RNF217: variants seen among roughly 807,000 people sequenced by gnomAD.
The protein encoded by RNF217 is ring finger protein 217.
Under a neutral mutation model 57.8 loss-of-function variants are expected in RNF217, and 31 were observed. The ratio of observed to expected loss-of-function variants is 0.54; its 90% CI spans 0.40 to 0.72. The LOEUF is 0.72. RNF217 is among the 30% of genes least tolerant of loss of function. RNF217 has a pLI of 0.00. For missense variants in RNF217, 696 were observed against 708.3 expected, an observed-to-expected ratio of 0.98 and a Z score of 0.20; for synonymous variants, 313 against 294.0, an observed-to-expected ratio of 1.06 and a Z score of -0.66.
chr6:125,043,294 A>G (rs1408111225), intron 1 of RNF217, among the ~76,000 whole-genome samples: 1 of 151,908 alleles, frequency 6.6e-6, no homozygotes, highest in Non-Finnish European at 1.5e-5. Flanking sequence ...TGTCTCTTTC[A>G]TCTGCTTGAA....
intron 1 of RNF217, among the ~76,000 whole-genome samples, chr6:125,036,174 G>A (rs192204622): frequency 2.3e-4 from 35 of 152,236 alleles, no homozygotes; most frequent in African/African-American, 7.9e-4. Context: ...AGAACATGCA[G>A]TGTTTGGTTT....
intron 3 of RNF217, among the ~76,000 whole-genome samples, chr6:125,063,834 T>C (rs534906622): frequency 6.6e-6 from 1 of 152,186 alleles, no homozygotes; most frequent in Non-Finnish European, 1.5e-5. Context: ...AAAAAGTGAA[T>C]TGTATTTATT....
chr6:124,972,143 C>T, intron 1 of RNF217, among the ~76,000 whole-genome samples: 1 of 152,116 alleles, frequency 6.6e-6, no homozygotes, highest in East Asian at 1.9e-4. Flanking sequence ...TTTGAGATTC[C>T]CTGTTTCCAT....
intron 1 of RNF217, among the ~76,000 whole-genome samples, chr6:124,980,469 T>C (rs1784122443): frequency 6.6e-6 from 1 of 152,220 alleles, no homozygotes; most frequent in African/African-American, 2.4e-5. Context: ...ATTTAGTTCT[T>C]GTTTTTAGTT....
In RNF217 at chr6:125,089,103, T is replaced by C. The variant is rs1405197861; in HGVS notation, c.*6166T>C. ...GGCTTATTTTATTTGTAAATGGAAA[T>C]GTATCAGGAGTGCCTGGAACACTTT... On this transcript the variant is annotated 3_prime_UTR_variant, in exon 6 of 6. Transcript: ENST00000521654. 1 of 152,390 alleles carries C rather than the reference T, an allele frequency of 6.6e-6. No individual in the cohort carries two copies. Among genetic ancestry groups the C allele is most frequent in the East Asian group, 1.9e-4 (1 of 5,190 alleles). The allele number at this position is 152,390 out of a possible 1,614,324, so 9.4% of individuals were successfully genotyped here.
At chr6:125,031,179 G>T (rs1786341768) in intron 1 of RNF217, among the ~76,000 whole-genome samples, 1 of 152,204 alleles carries the variant, frequency 6.6e-6, no homozygotes, top group Non-Finnish European at 1.5e-5. Flanking sequence ...CCTGGGGACT[G>T]TGGGCCCAGC....
chr6:124,989,237 T>A (rs1390210259), intron 1 of RNF217, among the ~76,000 whole-genome samples: 1 of 152,228 alleles, frequency 6.6e-6, no homozygotes, highest in Non-Finnish European at 1.5e-5. Context: ...AATGTTGTCA[T>A]GTATTGTATT....
intron 3 of RNF217, among the ~76,000 whole-genome samples, chr6:125,070,259 T>G (rs1347803965): frequency 6.6e-6 from 1 of 152,194 alleles, no homozygotes; most frequent in Non-Finnish European, 1.5e-5. Flanking sequence ...CATTGATTGT[T>G]GGGTACTTAG....
chr6:125,028,794 A>T (rs1251251295), intron 1 of RNF217, among the ~76,000 whole-genome samples: 1 of 151,798 alleles, frequency 6.6e-6, no homozygotes, highest in East Asian at 1.9e-4. Flanking sequence ...CTTATTATTT[A>T]CTGTGTTAAA....
chr6:125,027,401 T>A (rs1399951836), intron 1 of RNF217, among the ~76,000 whole-genome samples: 1 of 152,220 alleles, frequency 6.6e-6, no homozygotes, highest in Non-Finnish European at 1.5e-5. Context: ...AGTGAGAACA[T>A]GCAATGTTTG....
chr6:125,000,449 C>T (rs1031146005), intron 1 of RNF217, among the ~76,000 whole-genome samples: 1 of 151,826 alleles, frequency 6.6e-6, no homozygotes, highest in African/African-American at 2.4e-5. Flanking sequence ...TTATAGATAT[C>T]AGACAATAGT....
chr6:125,069,646 T>C (rs958681962), intron 3 of RNF217, among the ~76,000 whole-genome samples: 8 of 152,176 alleles, frequency 5.3e-5, no homozygotes, highest in Admixed American at 4.6e-4. Flanking sequence ...AACTATTTTC[T>C]TTTGGGTATA....
Position 125,086,539 on chromosome 6 carries a change from A to G in RNF217, c.*3602A>G, listed in dbSNP as rs1362569649. ...GAAAAGTAGGAAAGAATATGTTGGC[A>G]ATTATAAATGCCCACAGCAATTCCC... On this transcript the variant is annotated 3_prime_UTR_variant, in exon 6 of 6. Coordinates refer to ENST00000521654, the MANE Select transcript of RNF217 (RefSeq NM_001286398.3). 2 of 152,116 alleles carry G rather than the reference A, an allele frequency of 1.3e-5. No individual in the cohort carries two copies. Among genetic ancestry groups the G allele is most frequent in the Non-Finnish European group, 2.9e-5 (2 of 68,008 alleles). The allele number at this position is 152,116 out of a possible 1,614,324, so 9.4% of individuals were successfully genotyped here. A position where few individuals can be genotyped will look rare whatever the true frequency, so the allele number is the denominator to read the frequency against.
At chr6:125,075,801 C>A (rs1425095636) in intron 3 of RNF217, among the ~76,000 whole-genome samples, 2 of 152,110 alleles carry the variant, frequency 1.3e-5, no homozygotes, top group Non-Finnish European at 2.9e-5. Flanking sequence ...TATACAATAT[C>A]TTTCCATGAG....
At chr6:125,082,841 C>T in intron 5 of RNF217, 23 bp from the exon 6 acceptor site, 1 of 1,548,000 alleles carries the variant, frequency 6.5e-7, no homozygotes, top group Non-Finnish European at 8.8e-7. Context: ...TCCTAACTAA[C>T]TTTAATTTTT....
At chr6:124,969,241 T>C (rs1171178829) in intron 1 of RNF217, among the ~76,000 whole-genome samples, 1 of 152,240 alleles carries the variant, frequency 6.6e-6, no homozygotes, top group Non-Finnish European at 1.5e-5. Context: ...GCTGGAAATA[T>C]ATTAGTAAAT....
rs1394791233 is a variant in RNF217, at chr6:125,085,203, C to T, written c.*2266C>T. 6.6e-6 allele frequency: 1 copy of T among 151,782 alleles called. No individual in the cohort carries two copies. The highest frequency in any genetic ancestry group is 2.4e-5 in the African/African-American group (1 of 41,386). The allele number at this position is 151,782 out of a possible 1,614,324, so 9.4% of individuals were successfully genotyped here. A position where few individuals can be genotyped will look rare whatever the true frequency, so the allele number is the denominator to read the frequency against. ...ATTTTTATTTCTTTAAATAACTTAT[C>T]TTTTGGACATATTTTTATATTATTT... On this transcript the variant is annotated 3_prime_UTR_variant, in exon 6 of 6. Coordinates refer to ENST00000521654, the MANE Select transcript of RNF217 (RefSeq NM_001286398.3).
At chr6:124,990,807 G>A (rs747012318) in intron 1 of RNF217, among the ~76,000 whole-genome samples, 19 of 152,136 alleles carry the variant, frequency 1.2e-4, no homozygotes, top group Admixed American at 3.3e-4. Context: ...GCTTACGTCC[G>A]TAATCCCAGC....
chr6:125,078,240 A>G (rs944763435), intron 4 of RNF217, among the ~76,000 whole-genome samples: 3 of 152,210 alleles, frequency 2.0e-5, no homozygotes, highest in African/African-American at 7.2e-5. Context: ...CTCTAATACC[A>G]TGAGAAAATC....
Sources: gnomAD v4.1 joint callset for allele counts (sites outside exome capture counted in the v4.1 genomes callset) on GRCh38, gnomAD v4.1.1 for gene constraint, MANE v1.5 for transcripts, NCBI Gene and HGNC (gene_info 2026-07-23, HGNC 2026-07-21) for gene names.